SGPP1: variants seen among roughly 807,000 people sequenced by gnomAD.
The protein encoded by SGPP1 is sphingosine-1-phosphate phosphatase 1, also known as hSPP1.
SGPP1 carries 21 observed loss-of-function variants against 33.0 expected under a neutral mutation model. That is an observed-to-expected ratio of 0.64 (90% CI 0.45 to 0.92). The LOEUF (loss-of-function observed/expected upper bound fraction) is 0.92. Ranked by LOEUF, SGPP1 falls within the 40% of genes least tolerant of loss-of-function variation. The pLI is 0.00. For missense variants in SGPP1, 543 were observed against 589.4 expected (o/e 0.92, Z 0.81); for synonymous variants, 239 against 241.2 (o/e 0.99, Z 0.08).
intron 1 of SGPP1, among the ~76,000 whole-genome samples, chr14:63,706,439 TA>T (rs1330094380): frequency 1.3e-5 from 2 of 151,086 alleles, no homozygotes; most frequent in Non-Finnish European, 3.0e-5. Flanking sequence ...TACCCCAAGT[TA>T]AAAAAAAATA....
chr14:63,688,226 G>A (rs956951492), intron 2 of SGPP1, among the ~76,000 whole-genome samples: 9 of 144,372 alleles, frequency 6.2e-5, no homozygotes, highest in Admixed American at 7.5e-5. Context: ...TGAGGCAGGA[G>A]AACTGCCTGA....
chr14:63,704,387 A>C (rs1003001809), intron 1 of SGPP1, among the ~76,000 whole-genome samples: 1 of 152,222 alleles, frequency 6.6e-6, no homozygotes, highest in Non-Finnish European at 1.5e-5. Flanking sequence ...ACTGATTTTC[A>C]ATAAGAATGC....
rs1325707063 is a variant in SGPP1, at chr14:63,684,321, C to G, written c.*1784G>C. 6.6e-6 allele frequency: 1 copy of G among 151,990 alleles called. No homozygotes were observed. Among genetic ancestry groups the G allele is most frequent in the Admixed American group, 6.6e-5 (1 of 15,246 alleles). The allele number at this position is 151,990 out of a possible 1,614,324, so 9.4% of individuals were successfully genotyped here. A position where few individuals can be genotyped will look rare whatever the true frequency, so the allele number is the denominator to read the frequency against. ...GGAACATTTTCAAATACCTTTTAAG[C>G]TAGACATAAAAATCAACAGGATAGC... On this transcript the variant is annotated 3_prime_UTR_variant, in exon 3 of 3. Transcript: ENST00000247225.
intron 1 of SGPP1, among the ~76,000 whole-genome samples, chr14:63,724,747 T>C (rs886802497): frequency 1.3e-5 from 2 of 150,844 alleles, no homozygotes; most frequent in African/African-American, 2.4e-5. Flanking sequence ...TAATTTTTTG[T>C]ATTTTTTAGT....
In SGPP1 at chr14:63,720,144, C is replaced by A. The variant is rs1037882951; in HGVS notation, c.684+7117G>T. Among the ~76,000 whole-genome samples the A allele has an allele frequency of 2.2e-4, 29 of 131,038 alleles. 1 individual carries two copies. The highest frequency in any genetic ancestry group is 6.5e-4 in the African/African-American group (21 of 32,134). 86.0% of individuals were successfully genotyped at this position (131,038 alleles called of 152,430 possible). On this transcript the variant is annotated intron_variant, in intron 1 of 2. Coordinates refer to ENST00000247225, the MANE Select transcript of SGPP1 (RefSeq NM_030791.4). ...CATCTCACAAAAAAAAAAAAAAAAACATGCTGGGCATGGTGGCTCATGCCT... is the reference window on the plus strand; with the variant it reads ...CATCTCACAAAAAAAAAAAAAAAAAAATGCTGGGCATGGTGGCTCATGCCT...
chr14:63,698,226 C>T lies in SGPP1; in HGVS notation c.774+343G>A, dbSNP rs1010846817. 2.0e-5 allele frequency among the ~76,000 whole-genome samples: 3 copies of T among 152,292 alleles called. No homozygotes were observed. In the East Asian group the frequency reaches 5.8e-4, roughly 29 times the overall value. On this transcript the variant is annotated intron_variant, in intron 2 of 2. Transcript: ENST00000247225. ...AGTTCTTCAACAATACTTAGGAGCT[C>T]TCCTTGGTTTCTGTAGCCACATTGC...
At chr14:63,716,982 C>G (rs1175053242) in intron 1 of SGPP1, among the ~76,000 whole-genome samples, 1 of 152,066 alleles carries the variant, frequency 6.6e-6, no homozygotes, top group Non-Finnish European at 1.5e-5. Flanking sequence ...CATGAACCAC[C>G]GTGCCCAGGA....
chr14:63,695,687 C>T (rs1268127975), intron 2 of SGPP1, among the ~76,000 whole-genome samples: 2 of 152,010 alleles, frequency 1.3e-5, no homozygotes, highest in Non-Finnish European at 2.9e-5. Flanking sequence ...TGAGGTGGAA[C>T]GATCACTTGA....
intron 1 of SGPP1, among the ~76,000 whole-genome samples, chr14:63,707,947 G>T (rs1885448524): frequency 6.6e-6 from 1 of 152,078 alleles, no homozygotes; most frequent in African/African-American, 2.4e-5. Context: ...AGTGAGTGTG[G>T]TAGGCTCATT....
At chr14:63,688,245 G>A (rs1885022414) in intron 2 of SGPP1, among the ~76,000 whole-genome samples, 2 of 150,690 alleles carry the variant, frequency 1.3e-5, no homozygotes, top group South Asian at 4.2e-4. Context: ...GAACCCGGGA[G>A]GCCGAGGTTG....
intron 1 of SGPP1, among the ~76,000 whole-genome samples, chr14:63,717,967 C>T (rs781499876): frequency 4.6e-5 from 7 of 152,164 alleles, no homozygotes; most frequent in African/African-American, 7.2e-5. Context: ...CAAAAGTAGC[C>T]GGGCACAGTG....
chr14:63,718,141 G>A (rs1566536201), intron 1 of SGPP1, among the ~76,000 whole-genome samples: 1 of 151,960 alleles, frequency 6.6e-6, no homozygotes, highest in African/African-American at 2.4e-5. Flanking sequence ...CCAGCTACTT[G>A]GGAGGCTGAG....
At chr14:63,726,286 C>T (rs908557528) in intron 1 of SGPP1, among the ~76,000 whole-genome samples, 3 of 152,102 alleles carry the variant, frequency 2.0e-5, no homozygotes, top group African/African-American at 7.2e-5. Context: ...CTTAGAATCT[C>T]CACAATTACG....
chr14:63,690,194 C>T (rs1488895658), intron 2 of SGPP1, among the ~76,000 whole-genome samples: 1 of 152,184 alleles, frequency 6.6e-6, no homozygotes, highest in Non-Finnish European at 1.5e-5. Context: ...CGTGCATCAC[C>T]ATGCCCAGCT....
rs768785382 is a variant in SGPP1 at position 63,727,624 on chromosome 14, A to G, written c.321T>C (p.Ala107=). 1.4e-6 allele frequency: 2 copies of G among 1,451,906 alleles called. No homozygotes were observed. The highest frequency in any genetic ancestry group is 2.7e-5 in the Admixed American group (1 of 37,330). The allele number at this position is 1,451,906 out of a possible 1,614,324, so 89.9% of individuals were successfully genotyped here. Residue 107 remains alanine, a synonymous_variant, in exon 1 of 3, where the codon GCT becomes GCC. Transcript: ENST00000247225. ...LGPASPRRAG[A]LRRNSLTGEE... is the part of the protein sequence containing the mutation. ...CGCCCGTCAGCGAGTTGCGGCGCAG[A>G]GCGCCCGCGCGCCGCGGCGAGGCCG...
In SGPP1 at chr14:63,684,450, A is replaced by G. The variant is rs907475694; in HGVS notation, c.*1655T>C. 1 of 152,162 alleles carries G rather than the reference A, an allele frequency of 6.6e-6. No homozygotes were observed. The highest frequency in any genetic ancestry group is 2.4e-5 in the African/African-American group (1 of 41,450). 9.4% of individuals were successfully genotyped at this position (152,162 alleles called of 1,614,324 possible). On this transcript the variant is annotated 3_prime_UTR_variant, in exon 3 of 3. Transcript: ENST00000247225. ...TTTTCCAACGTACCAATATTTTCCT[A>G]CATGCCTTGGTTTCCTTTTAACTAA...
Position 63,718,987 on chromosome 14 carries a change from TATATATATATATATATATATATATATA to T in SGPP1, c.684+8247_684+8273del, listed in dbSNP as rs1885691836. 8.1e-4 allele frequency among the ~76,000 whole-genome samples: 13 copies of T among 16,060 alleles called. No individual in the cohort carries two copies. The South Asian group carries it at 0.013, about 16-fold the overall frequency. 10.5% of individuals were successfully genotyped at this position (16,060 alleles called of 152,430 possible). ...ATATATATGTATATACATATATATA[TATATATATATATATATATATATATATA>T]TTTTTTTTTTTTTTTTTTTTTTTTT... is the stretch of plus-strand genomic sequence containing the variant. On this transcript the variant is annotated intron_variant, in intron 1 of 2. Transcript: ENST00000247225.
chr14:63,706,591 G>A (rs193092746), intron 1 of SGPP1, among the ~76,000 whole-genome samples: 1 of 152,164 alleles, frequency 6.6e-6, no homozygotes, highest in East Asian at 1.9e-4. Flanking sequence ...AATACTTGTT[G>A]AACAAAGTAA....
Position 63,727,504 on chromosome 14 carries a change from G to A in SGPP1, c.441C>T (p.Phe147=). 2 of 1,614,160 alleles carry A rather than the reference G, an allele frequency of 1.2e-6. No homozygotes were observed. The highest frequency in any genetic ancestry group is 4.5e-5 in the East Asian group (2 of 44,882). Residue 147 remains phenylalanine, a synonymous_variant, in exon 1 of 3, where the codon TTC becomes TTT. Coordinates refer to ENST00000247225, the MANE Select transcript of SGPP1 (RefSeq NM_030791.4). ...CCAGGTTCCAGATCCAGAAGGGGAA[G>A]AACAGGATGTAGAAGAGTTCGTTGC... ...ELGNELFYIL[F]FPFWIWNLDP... is the part of the protein sequence containing the mutation.
Sources: gnomAD v4.1 joint callset for allele counts (sites outside exome capture counted in the v4.1 genomes callset) on GRCh38, gnomAD v4.1.1 for gene constraint, MANE v1.5 for transcripts, NCBI Gene and HGNC (gene_info 2026-07-23, HGNC 2026-07-21) for gene names.